The following PTPRA variants were observed in gnomAD, a reference collection of about 807,000 sequenced individuals.
The protein encoded by PTPRA is protein tyrosine phosphatase receptor type A, also known as receptor-type tyrosine-protein phosphatase alpha.
A neutral mutation model predicts 104.8 loss-of-function variants in PTPRA; 25 were observed. The ratio of observed to expected loss-of-function variants is 0.24; its 90% CI spans 0.17 to 0.33. The LOEUF is 0.33. Ranked by LOEUF, PTPRA falls within the 10% of genes least tolerant of loss-of-function variation. PTPRA has a pLI of 1.00. For synonymous variants in PTPRA, 323 were observed against 368.9 expected (o/e 0.88, Z 1.43); for missense variants, 765 against 1,015.3 (o/e 0.75, Z 3.35).
chr20:2,911,447 A>G (rs528948745), intron 1 of PTPRA, among the ~76,000 whole-genome samples: 161 of 152,336 alleles, frequency 1.1e-3, no homozygotes, highest in African/African-American at 3.8e-3. Context: ...TTGATGAACT[A>G]TGTGAAGCAT....
At chr20:2,958,200 GACATA>G (rs1297980647) in intron 3 of PTPRA, among the ~76,000 whole-genome samples, 2 of 152,140 alleles carry the variant, frequency 1.3e-5, no homozygotes, top group Non-Finnish European at 1.5e-5. Flanking sequence ...AGGTGTGGTA[GACATA>G]ACAGAGAGAA....
intron 2 of PTPRA, among the ~76,000 whole-genome samples, chr20:2,932,049 A>G (rs997377952): frequency 2.0e-5 from 3 of 152,176 alleles, no homozygotes; most frequent in South Asian, 4.1e-4. Context: ...CTGGTCCTTA[A>G]TAGGACCCAA....
At chr20:2,899,585 G>A (rs956812988) in intron 1 of PTPRA, among the ~76,000 whole-genome samples, 1 of 152,070 alleles carries the variant, frequency 6.6e-6, no homozygotes, top group Non-Finnish European at 1.5e-5. Flanking sequence ...ACACAGAGAT[G>A]GTATGAATGT....
At chr20:2,989,760 G>C (rs947491155) in intron 9 of PTPRA, among the ~76,000 whole-genome samples, 3 of 152,208 alleles carry the variant, frequency 2.0e-5, no homozygotes, top group Non-Finnish European at 4.4e-5. Context: ...GCTCACGCCT[G>C]TAATCCCAGC....
chr20:3,021,516 G>A, intron 14 of PTPRA, 88 bp downstream of exon 14: 1 of 1,541,688 alleles, frequency 6.5e-7, no homozygotes, highest in Non-Finnish European at 8.9e-7. Flanking sequence ...GCTGTGGTCA[G>A]GAGTTGCTGA....
intron 2 of PTPRA, among the ~76,000 whole-genome samples, chr20:2,931,707 C>T (rs1299199378): frequency 3.3e-5 from 4 of 121,508 alleles, no homozygotes; most frequent in African/African-American, 1.3e-4. Flanking sequence ...AAGGCAGGGA[C>T]GGGTCTTGGC....
intron 1 of PTPRA, among the ~76,000 whole-genome samples, chr20:2,898,619 A>G (rs2059112556): frequency 6.6e-6 from 1 of 151,242 alleles, no homozygotes; most frequent in Non-Finnish European, 1.5e-5. Flanking sequence ...GCACTCTGGG[A>G]GGCCGAGGCT....
In PTPRA at chr20:3,022,617, G is replaced by A. The variant is rs555111684; in HGVS notation, c.1329-72G>A. The A allele has an allele frequency of 1.3e-6, 2 of 1,597,806 alleles. No individual in the cohort carries two copies. Among genetic ancestry groups the A allele is most frequent in the East Asian group, 2.2e-5 (1 of 44,680 alleles). On this transcript the variant is annotated intron_variant, in intron 15 of 23. Coordinates refer to ENST00000399903, the MANE Select transcript of PTPRA (RefSeq NM_001385305.1). The surrounding 1 kb of genome is among the most constrained non-coding windows in gnomAD (Gnocchi z 4.6). ...GACCCTGAAGGAAGAGCCCCTGCCT[G>A]TGTTGCCCCTCCCTATCTGCTCCCA...
intron 9 of PTPRA, among the ~76,000 whole-genome samples, chr20:2,999,514 G>C (rs1310122926): frequency 1.3e-5 from 2 of 152,156 alleles, no homozygotes; most frequent in African/African-American, 2.4e-5. Context: ...TAGACAGATC[G>C]ACCAGTGGAA....
chr20:2,927,030 A>G (rs1426413967), intron 2 of PTPRA, among the ~76,000 whole-genome samples: 1 of 151,716 alleles, frequency 6.6e-6, no homozygotes, highest in Non-Finnish European at 1.5e-5. Flanking sequence ...GCCTCAAGTG[A>G]TCCGCCCGCC....
chr20:2,992,991 G>C (rs1353003916), intron 9 of PTPRA, among the ~76,000 whole-genome samples: 1 of 152,218 alleles, frequency 6.6e-6, no homozygotes, highest in Non-Finnish European at 1.5e-5. Context: ...AGGCTGAGGT[G>C]GGGTATTGCT....
Position 3,021,296 on chromosome 20 carries a change from T to A in PTPRA, c.1042-13T>A. ...GGTCTAAGGTCAGGGAATGTATGTC[T>A]TTTTCTTTCCAGTGCAAGTGCGCCC... On this transcript the variant is annotated splice_polypyrimidine_tract_variant and intron_variant, in intron 13 of 23. Transcript: ENST00000399903. The A allele has an allele frequency of 6.2e-7, 1 of 1,613,654 alleles. No homozygotes were observed. The highest frequency in any genetic ancestry group is 8.5e-7 in the Non-Finnish European group (1 of 1,179,682).
At position 2,982,594 on chromosome 20, in the gene PTPRA, C is replaced by A. The variant is rs142843176; in HGVS notation, c.443-4171C>A. Among the ~76,000 whole-genome samples, 918 of 152,008 alleles carry A rather than the reference C, an allele frequency of 6.0e-3. 7 individuals are homozygous for A. Among genetic ancestry groups the A allele is most frequent in the African/African-American group, 0.021 (883 of 41,436 alleles). ...ATTTATGCTATAAAGGAGGGATATT[C>A]ATTAATCAACAAAGTCAAATATGTA... On this transcript the variant is annotated intron_variant, in intron 6 of 23. Transcript: ENST00000399903.
chr20:3,027,102 G>C lies in PTPRA; in HGVS notation c.1709-19G>C. 1 of 1,612,798 alleles carries C rather than the reference G, an allele frequency of 6.2e-7. No individual in the cohort carries two copies. Among genetic ancestry groups the C allele is most frequent in the Non-Finnish European group, 8.5e-7 (1 of 1,178,790 alleles). ...GACAAATGATATTGGCTAGCCATAA[G>C]CCGCTATTCTTCTTACAGATGAATT... On this transcript the variant is annotated intron_variant, in intron 18 of 23. Transcript: ENST00000399903.
At chr20:2,932,615 A>G (rs2060549099) in intron 2 of PTPRA, among the ~76,000 whole-genome samples, 1 of 152,180 alleles carries the variant, frequency 6.6e-6, no homozygotes, top group Non-Finnish European at 1.5e-5. Context: ...TCTATAGAGG[A>G]GAGAGAGGTC....
chr20:2,914,933 C>T (rs2059846753), intron 1 of PTPRA, among the ~76,000 whole-genome samples: 1 of 152,124 alleles, frequency 6.6e-6, no homozygotes, highest in Non-Finnish European at 1.5e-5. Flanking sequence ...AGTCTACTGC[C>T]TTCTTCTTTG....
At chr20:2,953,372 A>G (rs1348273843) in intron 3 of PTPRA, among the ~76,000 whole-genome samples, 1 of 151,966 alleles carries the variant, frequency 6.6e-6, no homozygotes, top group Non-Finnish European at 1.5e-5. Context: ...CTCCTGCCTC[A>G]GCCTCCGAGT....
the PTPRA span, chr20:2,864,491 A>T: frequency 1.9e-6 from 3 of 1,614,082 alleles, no homozygotes; most frequent in Non-Finnish European, 1.7e-6. The surrounding 1 kb of genome is among the most constrained non-coding windows in gnomAD (Gnocchi z 5.2). Flanking sequence ...GTTGTGGTGT[A>T]GCCTTCTGAG....
At chr20:3,020,408 C>T (rs2064806366) in intron 13 of PTPRA, among the ~76,000 whole-genome samples, 1 of 152,162 alleles carries the variant, frequency 6.6e-6, no homozygotes, top group South Asian at 2.1e-4. Flanking sequence ...CACAGAGGAG[C>T]TTTTTTCCCC....
Sources: allele counts gnomAD v4.1 joint callset (sites outside exome capture counted in the v4.1 genomes callset), GRCh38; gene constraint gnomAD v4.1.1; non-coding constraint Gnocchi (gnomAD v3.1); transcripts MANE v1.5; gene names NCBI Gene and HGNC (gene_info 2026-07-23, HGNC 2026-07-21).